CCDC170: variants seen among roughly 807,000 people sequenced by gnomAD.
The protein encoded by CCDC170 is coiled-coil domain-containing protein 170.
In CCDC170, 69 loss-of-function variants were observed where a neutral mutation model predicts 72.6. That is an observed-to-expected ratio of 0.95 (90% CI 0.78 to 1.16). The LOEUF is 1.16. Ranked by LOEUF, CCDC170 falls within the 50% of genes most tolerant of loss-of-function variation. CCDC170 has a pLI of 0.00. For missense variants in CCDC170, 852 were observed against 832.5 expected (o/e 1.02, Z -0.29); for synonymous variants, 300 against 303.9 (o/e 0.99, Z 0.13).
intron 6 of CCDC170, among the ~76,000 whole-genome samples, chr6:151,573,992 C>T (rs1438718889): frequency 2.0e-5 from 3 of 152,202 alleles, no homozygotes; most frequent in Non-Finnish European, 4.4e-5. Context: ...GCCTGTAACC[C>T]CAGTCCATTT....
intron 1 of CCDC170, among the ~76,000 whole-genome samples, chr6:151,503,422 TG>T (rs1391711355): frequency 6.6e-6 from 1 of 151,912 alleles, no homozygotes; most frequent in African/African-American, 2.4e-5. Context: ...GGCCCTTGGG[TG>T]GGAATGAGCT....
intron 5 of CCDC170, among the ~76,000 whole-genome samples, chr6:151,564,461 G>A (rs770686832): frequency 3.4e-4 from 52 of 152,276 alleles, no homozygotes; most frequent in Middle Eastern, 6.8e-3. Flanking sequence ...GTCTTAGCAG[G>A]TCTAGGTGGG....
intron 6 of CCDC170, among the ~76,000 whole-genome samples, chr6:151,581,077 G>A (rs1274258064): frequency 6.6e-6 from 1 of 152,174 alleles, no homozygotes; most frequent in African/African-American, 2.4e-5. Flanking sequence ...CTGTAATGTT[G>A]ATGGTTACTG....
intron 9 of CCDC170, among the ~76,000 whole-genome samples, chr6:151,606,543 G>T (rs1776787363): frequency 6.6e-6 from 1 of 152,160 alleles, no homozygotes; most frequent in Non-Finnish European, 1.5e-5. Context: ...TCTAACGTAT[G>T]GTTTATCATG....
At chr6:151,544,020 C>A (rs1782735002) in intron 3 of CCDC170, among the ~76,000 whole-genome samples, 1 of 152,114 alleles carries the variant, frequency 6.6e-6, no homozygotes. Flanking sequence ...TAATAATGAA[C>A]TTTGCTGGTG....
At chr6:151,599,897 G>A (rs1334802342) in intron 9 of CCDC170, among the ~76,000 whole-genome samples, 1 of 152,188 alleles carries the variant, frequency 6.6e-6, no homozygotes, top group Non-Finnish European at 1.5e-5. Flanking sequence ...AAAGAAGAGA[G>A]TTAGGAAAGT....
chr6:151,603,566 A>G (rs1214248589), intron 9 of CCDC170, among the ~76,000 whole-genome samples: 1 of 152,238 alleles, frequency 6.6e-6, no homozygotes, highest in Non-Finnish European at 1.5e-5. Flanking sequence ...ATATCATGCT[A>G]GGTGCTTTAT....
At chr6:151,553,589 G>C (rs1237434389) in intron 5 of CCDC170, among the ~76,000 whole-genome samples, 1 of 152,134 alleles carries the variant, frequency 6.6e-6, no homozygotes, top group East Asian at 1.9e-4. Context: ...AAGGAAATGT[G>C]TTGTAATAGC....
intron 8 of CCDC170, among the ~76,000 whole-genome samples, chr6:151,595,712 G>T (rs1776611110): frequency 6.6e-6 from 1 of 152,130 alleles, no homozygotes; most frequent in Non-Finnish European, 1.5e-5. Context: ...AGCTACTTGG[G>T]CGGCTGAGAG....
intron 1 of CCDC170, among the ~76,000 whole-genome samples, chr6:151,524,975 C>T (rs374451990): frequency 7.1e-6 from 1 of 139,890 alleles, no homozygotes; most frequent in Non-Finnish European, 1.5e-5. Context: ...CTCTATTGCC[C>T]AGGCTGGAGT....
intron 9 of CCDC170, among the ~76,000 whole-genome samples, chr6:151,609,566 C>T (rs530006615): frequency 1.3e-5 from 2 of 152,218 alleles, no homozygotes; most frequent in African/African-American, 2.4e-5. Context: ...ACACTTGGAA[C>T]CTTCTCTGCC....
At chr6:151,591,676 T>C (rs990882463) in intron 7 of CCDC170, among the ~76,000 whole-genome samples, 1 of 152,004 alleles carries the variant, frequency 6.6e-6, no homozygotes, top group Non-Finnish European at 1.5e-5. Context: ...TTTGTATTTT[T>C]AGTAGAGACG....
chr6:151,606,687 C>T (rs1776790145), intron 9 of CCDC170, among the ~76,000 whole-genome samples: 1 of 152,114 alleles, frequency 6.6e-6, no homozygotes, highest in South Asian at 2.1e-4. Flanking sequence ...ATTTTTCTGT[C>T]TACAGGATCT....
intron 1 of CCDC170, among the ~76,000 whole-genome samples, chr6:151,513,231 A>G (rs1181277526): frequency 3.3e-5 from 5 of 152,222 alleles, no homozygotes; most frequent in African/African-American, 1.2e-4. Flanking sequence ...AATGTAGAAA[A>G]CAGGTTGTAA....
At chr6:151,501,283 A>G (rs1056752041) in intron 1 of CCDC170, among the ~76,000 whole-genome samples, 2 of 152,142 alleles carry the variant, frequency 1.3e-5, no homozygotes, top group Non-Finnish European at 2.9e-5. Context: ...AAAAATGAAA[A>G]CTAAATGGCT....
intron 1 of CCDC170, among the ~76,000 whole-genome samples, chr6:151,507,556 T>C (rs1222488311): frequency 1.3e-5 from 2 of 152,190 alleles, no homozygotes; most frequent in Non-Finnish European, 2.9e-5. Context: ...CAAAAGTGTA[T>C]AGGGCCCACA....
intron 9 of CCDC170, among the ~76,000 whole-genome samples, chr6:151,608,865 A>G (rs1776825337): frequency 6.6e-6 from 1 of 152,210 alleles, no homozygotes; most frequent in Non-Finnish European, 1.5e-5. Context: ...ATGAGGTCAC[A>G]TGGACTCCAG....
chr6:151,620,685 T>C lies in CCDC170; in HGVS notation c.*2538T>C, dbSNP rs1049498693. The C allele has an allele frequency of 6.6e-6, 1 of 152,164 alleles. No individual in the cohort carries two copies. Among genetic ancestry groups the C allele is most frequent in the Non-Finnish European group, 1.5e-5 (1 of 68,026 alleles). 9.4% of individuals were successfully genotyped at this position (152,164 alleles called of 1,614,324 possible). ...TGTATGAGAGTGGAGATTGTTTTTGTACATTCTCTTTGTTTTCATTTTCCA... is the reference window on the plus strand; with the variant it reads ...TGTATGAGAGTGGAGATTGTTTTTGCACATTCTCTTTGTTTTCATTTTCCA... On this transcript the variant is annotated 3_prime_UTR_variant, in exon 11 of 11. Coordinates refer to ENST00000239374, the MANE Select transcript of CCDC170 (RefSeq NM_025059.4).
chr6:151,552,527 T>C (rs915298552), intron 5 of CCDC170, among the ~76,000 whole-genome samples: 1 of 152,178 alleles, frequency 6.6e-6, no homozygotes, highest in Admixed American at 6.5e-5. Context: ...CTTTATTTTC[T>C]TTCCTTTTGT....
Sources: allele counts gnomAD v4.1 joint callset (sites outside exome capture counted in the v4.1 genomes callset), GRCh38; gene constraint gnomAD v4.1.1; transcripts MANE v1.5; gene names NCBI Gene and HGNC (gene_info 2026-07-23, HGNC 2026-07-21).